The following CYGB variants were observed in gnomAD, a reference collection of about 807,000 sequenced individuals.
The protein encoded by CYGB is histoglobin.
In CYGB, 13 loss-of-function variants were observed where a neutral mutation model predicts 20.7. That is an observed-to-expected ratio of 0.63 (90% CI 0.41 to 1.00). The LOEUF is 1.00. Among genes scored for constraint, CYGB ranks in the 50% least tolerant of loss-of-function variants. The pLI is 0.00. For synonymous variants in CYGB, 93 were observed against 107.4 expected, an observed-to-expected ratio of 0.87 and a Z score of 0.83; for missense variants, 218 against 257.2, an observed-to-expected ratio of 0.85 and a Z score of 1.04.
chr17:76,546,976 T>C lies in CYGB; in HGVS notation c.-53+3886A>G, dbSNP rs920472884. Reference sequence around the variant, plus strand: ...GGATAGAGGGGGCCCAAGTCTCGAGTTGGGGGCCGTGAGGAAATTTTGATT... The same window carrying C: ...GGATAGAGGGGGCCCAAGTCTCGAGCTGGGGGCCGTGAGGAAATTTTGATT... On this transcript the variant is annotated intron_variant, in intron 1 of 3. Coordinates refer to the CYGB transcript ENST00000589145. The surrounding 1 kb of genome is among the most constrained non-coding windows in gnomAD (Gnocchi z 4.5). 8 of 152,146 alleles carry C rather than the reference T, an allele frequency of 5.3e-5. No homozygotes were observed. Among genetic ancestry groups the C allele is most frequent in the Admixed American group, 2.6e-4 (4 of 15,290 alleles). The allele number at this position is 152,146 out of a possible 1,614,324, so 9.4% of individuals were successfully genotyped here.
Position 76,531,874 on chromosome 17 carries a change from AC to A in CYGB, c.144-184del. ...CTCCTCCCTCTGGCCAAGCCGGCTC[AC>A]CCCTACCAAGTCTGGCCATGTCTAT... On this transcript the variant is annotated intron_variant, in intron 1 of 3. Transcript: ENST00000293230. The surrounding 1 kb of genome is among the most constrained non-coding windows in gnomAD (Gnocchi z 7.4). The A allele has an allele frequency of 1.8e-6, 1 of 556,986 alleles. No homozygotes were observed. Among genetic ancestry groups the A allele is most frequent in the Non-Finnish European group, 3.2e-6 (1 of 315,242 alleles). The allele number at this position is 556,986 out of a possible 1,614,324, so 34.5% of individuals were successfully genotyped here. A position where few individuals can be genotyped will look rare whatever the true frequency, so the allele number is the denominator to read the frequency against.
At position 76,528,371 on chromosome 17, in the gene CYGB, G is replaced by A. The variant is rs1386436017; in HGVS notation, c.*207C>T. ...AAGAGTGGGCCCCGCTCTGCCCGCC[G>A]CGCTGGGGTCAGCATCCAGGCAGCC... On this transcript the variant is annotated 3_prime_UTR_variant, in exon 4 of 4. Transcript: ENST00000293230. This position sits in a 1 kb window ranked among gnomAD's most constrained non-coding sequence, Gnocchi z 5.8. 7.1e-6 allele frequency: 3 copies of A among 424,394 alleles called. No individual in the cohort carries two copies. The highest frequency in any genetic ancestry group is 3.6e-5 in the East Asian group (1 of 28,164). The allele number at this position is 424,394 out of a possible 1,614,324, so 26.3% of individuals were successfully genotyped here.
intron 1 of CYGB, chr17:76,545,109 T>C (rs1213880133): frequency 4.4e-6 from 2 of 455,804 alleles, no homozygotes; most frequent in Non-Finnish European, 8.8e-6. Context: ...GGGAGCAGAT[T>C]GTGTTTACAC....
Position 76,528,290 on chromosome 17 carries a change from G to T in CYGB, c.*288C>A, listed in dbSNP as rs560413801. 2.5e-6 allele frequency: 1 copy of T among 400,076 alleles called. No homozygotes were observed. The highest frequency in any genetic ancestry group is 1.2e-4 in the South Asian group (1 of 8,344). 24.8% of individuals were successfully genotyped at this position (400,076 alleles called of 1,614,324 possible). ...CCTAAGGGACTCCTAGACCTGTCCCGCTTCCTGCCAGCCGCTCAGCTAGGT... is the reference window on the plus strand; with the variant it reads ...CCTAAGGGACTCCTAGACCTGTCCCTCTTCCTGCCAGCCGCTCAGCTAGGT... On this transcript the variant is annotated 3_prime_UTR_variant, in exon 4 of 4. Transcript: ENST00000293230. The surrounding 1 kb of genome is among the most constrained non-coding windows in gnomAD (Gnocchi z 5.8).
At chr17:76,529,555 G>A in intron 3 of CYGB, 11 of 984,950 alleles carry the variant, frequency 1.1e-5, no homozygotes, top group Non-Finnish European at 1.3e-5. Context: ...CTTGGCCCTT[G>A]TAAAAAAGCC....
At position 76,531,736 on chromosome 17, in the gene CYGB, C is replaced by T. The variant is rs772225493; in HGVS notation, c.144-45G>A. ...TGGTCGCTGAAGCTGGAGGCTGCCT[C>T]GGGCCCACCCTGAAGCTTCCAGGAT... On this transcript the variant is annotated intron_variant, in intron 1 of 3. Transcript: ENST00000293230. This position sits in a 1 kb window ranked among gnomAD's most constrained non-coding sequence, Gnocchi z 7.4. 92 of 1,518,310 alleles carry T rather than the reference C, an allele frequency of 6.1e-5. No individual in the cohort carries two copies. The highest frequency in any genetic ancestry group is 8.0e-5 in the Non-Finnish European group (89 of 1,113,944). 94.1% of individuals were successfully genotyped at this position (1,518,310 alleles called of 1,614,324 possible). A position where few individuals can be genotyped will look rare whatever the true frequency, so the allele number is the denominator to read the frequency against.
chr17:76,528,047 C>T lies in CYGB; in HGVS notation c.*531G>A, dbSNP rs1475958158. 3 of 370,570 alleles carry T rather than the reference C, an allele frequency of 8.1e-6. No homozygotes were observed. Among genetic ancestry groups the T allele is most frequent in the Non-Finnish European group, 1.5e-5 (3 of 194,400 alleles). The allele number at this position is 370,570 out of a possible 1,614,324, so 23.0% of individuals were successfully genotyped here. A position where few individuals can be genotyped will look rare whatever the true frequency, so the allele number is the denominator to read the frequency against. On this transcript the variant is annotated 3_prime_UTR_variant, in exon 4 of 4. Coordinates refer to ENST00000293230, the MANE Select transcript of CYGB (RefSeq NM_134268.5). This position sits in a 1 kb window ranked among gnomAD's most constrained non-coding sequence, Gnocchi z 5.8. ...GTTCTCTGCACAACCGGAACCCCTC[C>T]CTGCCCCACTCACAGGTGGGCCAAA...
intron 1 of CYGB, chr17:76,550,427 A>AT (rs1183277814): frequency 4.0e-5 from 6 of 148,654 alleles, no homozygotes; most frequent in African/African-American, 1.0e-4. Flanking sequence ...CGCCCAGCTA[A>AT]TTTTTTGTAT....
At position 76,530,212 on chromosome 17, in the gene CYGB, C is replaced by G. The variant is rs993405713; in HGVS notation, c.539+767G>C. 6.6e-6 allele frequency among the ~76,000 whole-genome samples: 1 copy of G among 152,196 alleles called. No homozygotes were observed. The highest frequency in any genetic ancestry group is 2.4e-5 in the African/African-American group (1 of 41,448). On this transcript the variant is annotated intron_variant, in intron 3 of 3. Transcript: ENST00000293230. The surrounding 1 kb of genome is among the most constrained non-coding windows in gnomAD (Gnocchi z 6.1). ...GCTCCTCTCCTCCTTCCTACTCCAG[C>G]CCTGCCTCCGCCTCTCCATTCAGCT...
intron 1 of CYGB, chr17:76,542,888 CG>C (rs1384144136): frequency 2.9e-5 from 17 of 591,762 alleles, no homozygotes; most frequent in Non-Finnish European, 5.5e-5. Flanking sequence ...TTGGGGATGG[CG>C]AGGTGGTCGT....
chr17:76,543,211 T>C (rs1323338786), intron 1 of CYGB: 1 of 409,114 alleles, frequency 2.4e-6, no homozygotes, highest in East Asian at 7.2e-5. Flanking sequence ...TGGCTGGGCC[T>C]GGCAGAAAGA....
At position 76,530,048 on chromosome 17, in the gene CYGB, G is replaced by A. The variant is rs1354156637; in HGVS notation, c.539+931C>T. ...TGTGAACAGAAGGGCCGGCAGTCTT[G>A]GGGGCCCGTGCAGAGCCCGGCGGGA... On this transcript the variant is annotated intron_variant, in intron 3 of 3. Coordinates refer to ENST00000293230, the MANE Select transcript of CYGB (RefSeq NM_134268.5). This position sits in a 1 kb window ranked among gnomAD's most constrained non-coding sequence, Gnocchi z 6.1. The A allele has an allele frequency of 1.0e-5, 10 of 985,288 alleles. No homozygotes were observed. The highest frequency in any genetic ancestry group is 1.2e-5 in the Non-Finnish European group (10 of 829,926). 61.0% of individuals were successfully genotyped at this position (985,288 alleles called of 1,614,324 possible).
In CYGB at chr17:76,531,604, C is replaced by G; in HGVS notation, c.231G>C (p.Gln77His). Residue 77 changes from glutamine to histidine, a missense_variant, in exon 2 of 4, where the codon CAG becomes CAC. Coordinates refer to ENST00000293230, the MANE Select transcript of CYGB (RefSeq NM_134268.5). The surrounding 1 kb of genome is among the most constrained non-coding windows in gnomAD (Gnocchi z 7.4). The stretch of plus-strand genomic sequence containing the variant: ...TGACTCGGCAGGCGTGCTTCCGCAG[C>G]TGGGGGCTCCGCTCCATCTCCAGGG... Reference protein sequence around the residue: ...EDPLEMERSPQLRKHACRVMG... With the variant: ...EDPLEMERSPHLRKHACRVMG... 1.2e-6 allele frequency: 2 copies of G among 1,613,788 alleles called. No homozygotes were observed. Among genetic ancestry groups the G allele is most frequent in the South Asian group, 2.2e-5 (2 of 91,086 alleles).
At chr17:76,548,399 G>A (rs776317217) in intron 1 of CYGB, among the ~76,000 whole-genome samples, 19 of 152,180 alleles carry the variant, frequency 1.2e-4, no homozygotes, top group African/African-American at 1.7e-4. Context: ...TTTAACAAGC[G>A]TGTCCTGGGA....
chr17:76,537,586 G>GC lies in CYGB; in HGVS notation c.-45_-44insG. 8.3e-7 allele frequency: 1 copy of GC among 1,208,490 alleles called. No individual in the cohort carries two copies. The highest frequency in any genetic ancestry group is 1.0e-6 in the Non-Finnish European group (1 of 965,158). The allele number at this position is 1,208,490 out of a possible 1,614,324, so 74.9% of individuals were successfully genotyped here. A position where few individuals can be genotyped will look rare whatever the true frequency, so the allele number is the denominator to read the frequency against. On this transcript the variant is annotated 5_prime_UTR_variant, in exon 1 of 4. Coordinates refer to ENST00000293230, the MANE Select transcript of CYGB (RefSeq NM_134268.5). The stretch of plus-strand genomic sequence containing the variant: ...CCCGGCTTTGCTCGGCGGCGGCGGT[G>GC]GCGGGGCGCGGGGCGCGGGGCGCGG...
chr17:76,549,355 C>T (rs1175488310), intron 1 of CYGB, among the ~76,000 whole-genome samples: 4 of 152,210 alleles, frequency 2.6e-5, no homozygotes, highest in East Asian at 1.9e-4. Flanking sequence ...CGGCTGGGCG[C>T]GGTGGCTCAC....
rs1374681041 is a variant in CYGB, at chr17:76,533,444, G to A, written c.144-1753C>T. 6.6e-6 allele frequency among the ~76,000 whole-genome samples: 1 copy of A among 152,238 alleles called. No individual in the cohort carries two copies. Among genetic ancestry groups the A allele is most frequent in the African/African-American group, 2.4e-5 (1 of 41,456 alleles). On this transcript the variant is annotated intron_variant, in intron 1 of 3. Coordinates refer to ENST00000293230, the MANE Select transcript of CYGB (RefSeq NM_134268.5). The surrounding 1 kb of genome is among the most constrained non-coding windows in gnomAD (Gnocchi z 4.5). ...AATTGCAATAAAAAATAATGATATG[G>A]CCGGGCACGGTGGCTCACGCCTATA...
upstream of CYGB, chr17:76,540,710 T>TTCAG (rs2074982370): frequency 1.2e-6 from 1 of 840,668 alleles, no homozygotes; most frequent in East Asian, 2.7e-5. This position sits in a 1 kb window ranked among gnomAD's most constrained non-coding sequence, Gnocchi z 5.0. Context: ...AGCACCCTGC[T>TTCAG]CCCTGTCCGC....
chr17:76,540,357 G>C (rs200398429), upstream of CYGB: 7 of 1,281,132 alleles, frequency 5.5e-6, no homozygotes, highest in Non-Finnish European at 7.8e-6. The surrounding 1 kb of genome is among the most constrained non-coding windows in gnomAD (Gnocchi z 5.0). Flanking sequence ...CCTTGAGAGA[G>C]CACAGTCTCA....
Sources: gnomAD v4.1 joint callset for allele counts (sites outside exome capture counted in the v4.1 genomes callset) on GRCh38, gnomAD v4.1.1 for gene constraint, Gnocchi (gnomAD v3.1) non-coding constraint, MANE v1.5 for transcripts, NCBI Gene and HGNC (gene_info 2026-07-23, HGNC 2026-07-21) for gene names.